CFAP221: variants seen among roughly 807,000 people sequenced by gnomAD.
CFAP221 encodes cilia- and flagella-associated protein 221.
A neutral mutation model predicts 113.1 loss-of-function variants in CFAP221; 97 were observed. The observed-to-expected ratio is 0.86, with a 90% CI of 0.73 to 1.02. The LOEUF (loss-of-function observed/expected upper bound fraction) is 1.02. Ranked by LOEUF, CFAP221 falls within the 50% of genes least tolerant of loss-of-function variation. The pLI, the probability that CFAP221 is intolerant of heterozygous loss-of-function variation, is 0.00. For missense variants in CFAP221, 1,025 were observed against 1,013.4 expected, an observed-to-expected ratio of 1.01 and a Z score of -0.16; for synonymous variants, 331 against 354.4, an observed-to-expected ratio of 0.93 and a Z score of 0.74.
At chr2:119,630,442 C>A in intron 17 of CFAP221, 128 bp from the exon 18 acceptor site, 1 of 687,424 alleles carries the variant, frequency 1.5e-6, no homozygotes, top group Non-Finnish European at 2.5e-6. Context: ...TAGCCACAAT[C>A]CGATGACTAC....
At chr2:119,646,866 C>T in intron 21 of CFAP221, 92 bp from the exon 22 acceptor site, 1 of 1,143,300 alleles carries the variant, frequency 8.7e-7, no homozygotes, top group Non-Finnish European at 1.3e-6. Flanking sequence ...GCCTCGCCAG[C>T]AGTAAAATAA....
chr2:119,609,078 G>A (rs1684972407), intron 12 of CFAP221, among the ~76,000 whole-genome samples: 1 of 152,228 alleles, frequency 6.6e-6, no homozygotes, highest in African/African-American at 2.4e-5. Context: ...GCTGAGGGGA[G>A]TGGGACCACA....
chr2:119,558,850 A>G (rs1681015884), intron 3 of CFAP221, among the ~76,000 whole-genome samples: 1 of 152,064 alleles, frequency 6.6e-6, no homozygotes. Context: ...ACCAACAACA[A>G]CAACAAAAAA....
At position 119,656,286 on chromosome 2, in the gene CFAP221, C is replaced by T. The variant is rs1231273978; in HGVS notation, c.2415-76C>T. The T allele has an allele frequency of 1.3e-5, 15 of 1,139,408 alleles. No homozygotes were observed. The Admixed American group carries it at 1.9e-4, about 15-fold the overall frequency. The allele number at this position is 1,139,408 out of a possible 1,614,324, so 70.6% of individuals were successfully genotyped here. ...GAAATGCTCCTCCGACCTTCACCAG[C>T]ACTGCTGGCGGGGGGTGATTTGCGT... On this transcript the variant is annotated intron_variant, in intron 23 of 23. Coordinates refer to ENST00000413369, the MANE Select transcript of CFAP221 (RefSeq NM_001271049.2).
At chr2:119,574,313 T>G (rs1265636954) in intron 6 of CFAP221, among the ~76,000 whole-genome samples, 1 of 152,208 alleles carries the variant, frequency 6.6e-6, no homozygotes, top group Non-Finnish European at 1.5e-5. Context: ...GTATAAACTC[T>G]TGGAATGATT....
At chr2:119,594,339 G>A (rs1046907416) in intron 7 of CFAP221, among the ~76,000 whole-genome samples, 1 of 151,878 alleles carries the variant, frequency 6.6e-6, no homozygotes, top group Non-Finnish European at 1.5e-5. Context: ...AGGTTCAAGC[G>A]ATCCTCCTGC....
intron 5 of CFAP221, 84 bp from the exon 6 acceptor site, chr2:119,561,928 CAA>C (rs992644827): frequency 4.0e-5 from 35 of 873,072 alleles, no homozygotes; most frequent in African/African-American, 8.6e-5. Context: ...ACGATGGAAA[CAA>C]GATAAGAAAT....
intron 20 of CFAP221, 66 bp from the exon 21 acceptor site, chr2:119,639,715 A>C: frequency 7.6e-7 from 1 of 1,308,768 alleles, no homozygotes; most frequent in Non-Finnish European, 1.1e-6. Flanking sequence ...GTTGAATAAA[A>C]CAAAAGTCCT....
At chr2:119,568,904 C>T (rs1681840353) in intron 6 of CFAP221, among the ~76,000 whole-genome samples, 2 of 152,222 alleles carry the variant, frequency 1.3e-5, no homozygotes, top group Admixed American at 1.3e-4. Context: ...CAACAAATTC[C>T]CTTGGTCATT....
chr2:119,559,236 G>A (rs190667455), intron 3 of CFAP221, among the ~76,000 whole-genome samples: 4 of 152,264 alleles, frequency 2.6e-5, no homozygotes, highest in South Asian at 2.1e-4. Flanking sequence ...TCTTAGTCAC[G>A]TTCTTTTTCC....
chr2:119,642,881 G>A (rs1395486064), intron 21 of CFAP221, among the ~76,000 whole-genome samples: 1 of 151,200 alleles, frequency 6.6e-6, no homozygotes, highest in Non-Finnish European at 1.5e-5. Flanking sequence ...ATTCATGAGG[G>A]CTCCACCCCT....
intron 6 of CFAP221, among the ~76,000 whole-genome samples, chr2:119,565,558 C>T (rs1681561023): frequency 6.6e-6 from 1 of 152,154 alleles, no homozygotes; most frequent in African/African-American, 2.4e-5. Context: ...AGGCTGTTCC[C>T]AAGCTACTTT....
chr2:119,641,648 C>G (rs1435918322), intron 21 of CFAP221, among the ~76,000 whole-genome samples: 1 of 152,194 alleles, frequency 6.6e-6, no homozygotes, highest in East Asian at 1.9e-4. Context: ...GTGCAATGAT[C>G]TTGTGAAGCA....
chr2:119,574,526 G>A (rs180945611), intron 6 of CFAP221, among the ~76,000 whole-genome samples: 25 of 152,310 alleles, frequency 1.6e-4, no homozygotes, highest in Admixed American at 5.9e-4. Context: ...GACAGTTGTG[G>A]ATGGTTTTTG....
At chr2:119,571,266 A>G (rs1270671029) in intron 6 of CFAP221, among the ~76,000 whole-genome samples, 1 of 149,832 alleles carries the variant, frequency 6.7e-6, no homozygotes, top group Non-Finnish European at 1.5e-5. Context: ...CAGTCTCCCA[A>G]GTAGCTGGGA....
At chr2:119,597,309 T>C (rs568382794) in intron 7 of CFAP221, among the ~76,000 whole-genome samples, 2 of 152,308 alleles carry the variant, frequency 1.3e-5, no homozygotes, top group Non-Finnish European at 2.9e-5. Flanking sequence ...TGTGTGGTCC[T>C]GGGGCCTCTC....
intron 19 of CFAP221, among the ~76,000 whole-genome samples, chr2:119,633,187 G>T (rs1034594241): frequency 1.3e-5 from 2 of 151,902 alleles, no homozygotes; most frequent in African/African-American, 4.8e-5. Flanking sequence ...ATTTCAATTA[G>T]TACCTCACAC....
At chr2:119,561,888 C>A in intron 5 of CFAP221, 126 bp from the exon 6 acceptor site, 1 of 702,746 alleles carries the variant, frequency 1.4e-6, no homozygotes, top group South Asian at 1.8e-5. Context: ...TGTAGTTAAG[C>A]GCTGAAGTTT....
chr2:119,631,545 C>G (rs2104766598), intron 19 of CFAP221, among the ~76,000 whole-genome samples: 1 of 152,204 alleles, frequency 6.6e-6, no homozygotes, highest in Non-Finnish European at 1.5e-5. Context: ...CGCGGTGGCA[C>G]CTGCCTATAA....
Sources: gnomAD v4.1 joint callset for allele counts (sites outside exome capture counted in the v4.1 genomes callset) on GRCh38, gnomAD v4.1.1 for gene constraint, MANE v1.5 for transcripts, NCBI Gene and HGNC (gene_info 2026-07-23, HGNC 2026-07-21) for gene names.